RHOBTB2: variants seen among roughly 807,000 people sequenced by gnomAD.
RHOBTB2 encodes the protein rho-related BTB domain-containing protein 2.
A neutral mutation model predicts 66.5 loss-of-function variants in RHOBTB2; 39 were observed. That is an observed-to-expected ratio of 0.59 (90% confidence interval 0.45 to 0.77). RHOBTB2 has a LOEUF of 0.77. RHOBTB2 is among the 30% of genes least tolerant of loss of function. The pLI, the probability that RHOBTB2 is intolerant of heterozygous loss-of-function variation, is 0.00. For synonymous variants in RHOBTB2, 390 were observed against 395.0 expected, an observed-to-expected ratio of 0.99 and a Z score of 0.15; for missense variants, 755 against 999.1, an observed-to-expected ratio of 0.76 and a Z score of 3.29.
the RHOBTB2 span, among the ~76,000 whole-genome samples, chr8:22,980,655 G>A: frequency 2.8e-4 from 42 of 152,206 alleles, no homozygotes; most frequent in South Asian, 5.8e-3. Flanking sequence ...TCATTTAATC[G>A]GGGCAATTTT....
the RHOBTB2 span, among the ~76,000 whole-genome samples, chr8:22,982,027 C>T: frequency 6.6e-6 from 1 of 152,210 alleles, no homozygotes; most frequent in Non-Finnish European, 1.5e-5. Flanking sequence ...ACCAGAGAGG[C>T]TGAGTCCTGG....
the RHOBTB2 span, among the ~76,000 whole-genome samples, chr8:22,953,906 G>A: frequency 0.81 from 122,985 of 152,240 alleles, 49,958 homozygotes; most frequent in African/African-American, 0.87. Context: ...GATGTACAAG[G>A]CTGCCTTTGT....
At position 23,017,268 on chromosome 8, in the gene RHOBTB2, C is replaced by G. The variant is rs766313715; in HGVS notation, c.1983C>G (p.Phe661Leu). 4.3e-6 allele frequency: 7 copies of G among 1,613,984 alleles called. No homozygotes were observed. The African/African-American group carries it at 8.0e-5, about 18-fold the overall frequency. ...KAMSPENQEY[F>L]EKHRWPPVWY... is the part of the protein sequence containing the mutation. The stretch of plus-strand genomic sequence containing the variant: ...CTGCTCCAGAAAACCAGGAGTATTT[C>G]GAGAAGCATCGGTGGCCACCTGTGT... Residue 661 changes from phenylalanine (F) to leucine (L), a missense_variant, in exon 10 of 10, where the codon TTC becomes TTG. By Grantham distance (22) the Phe-to-Leu change is conservative. This residue lies in a region of RHOBTB2 where 353 missense variants were observed against 458.2 expected (regional missense o/e 0.77). Transcript: ENST00000251822. The surrounding 1 kb of genome is among the most constrained non-coding windows in gnomAD (Gnocchi z 5.3).
chr8:22,986,967 ACC>A, upstream of RHOBTB2, among the ~76,000 whole-genome samples: 1 of 152,174 alleles, frequency 6.6e-6, no homozygotes, highest in East Asian at 1.9e-4. Context: ...ACCAGCAACC[ACC>A]CCTACCTTGC....
At chr8:22,999,134 G>C (rs1234619648), upstream of RHOBTB2, 2 of 152,440 alleles carry the variant, frequency 1.3e-5, no homozygotes, top group Non-Finnish European at 2.9e-5. Context: ...CCGGTTATTC[G>C]TCCCTACCCG....
At chr8:22,999,216 T>C (rs1173905242), upstream of RHOBTB2, 3 of 151,236 alleles carry the variant, frequency 2.0e-5, no homozygotes, top group Non-Finnish European at 4.4e-5. Flanking sequence ...GGCCTGGGCT[T>C]ACAACCACAC....
the RHOBTB2 span, among the ~76,000 whole-genome samples, chr8:22,968,101 G>A: frequency 2.6e-5 from 4 of 151,644 alleles, no homozygotes; most frequent in African/African-American, 9.7e-5. Context: ...GTTGCAGTGA[G>A]CTATGATCAA....
At chr8:22,984,256 AC>A (rs1410986761), upstream of RHOBTB2, among the ~76,000 whole-genome samples, 1 of 152,252 alleles carries the variant, frequency 6.6e-6, no homozygotes, top group African/African-American at 2.4e-5. Flanking sequence ...ATCTTCAAAG[AC>A]AATATCACCA....
chr8:22,974,503 C>G, the RHOBTB2 span, among the ~76,000 whole-genome samples: 9 of 152,164 alleles, frequency 5.9e-5, no homozygotes, highest in Admixed American at 3.9e-4. Context: ...CAGCGCAGGC[C>G]AGGCCTCTGC....
the RHOBTB2 span, among the ~76,000 whole-genome samples, chr8:22,951,730 G>A: frequency 5.9e-5 from 9 of 152,166 alleles, no homozygotes; most frequent in Non-Finnish European, 1.0e-4. Flanking sequence ...GAATGTCATC[G>A]GTTAAGGCTA....
intron 9 of RHOBTB2, 57 bp downstream of exon 9, chr8:23,015,800 G>A (rs1811274996): frequency 8.1e-7 from 1 of 1,228,020 alleles, no homozygotes; most frequent in Non-Finnish European, 1.2e-6. Context: ...GGGGTGCACA[G>A]CTCCCATGTA....
upstream of RHOBTB2, chr8:22,994,759 TAAAA>T (rs113801401): frequency 1.4e-6 from 1 of 692,514 alleles, no homozygotes; most frequent in Non-Finnish European, 2.5e-6. Context: ...TAGACCAACA[TAAAA>T]AAAAATACCT....
the RHOBTB2 span, among the ~76,000 whole-genome samples, chr8:22,971,448 G>C: frequency 6.6e-6 from 1 of 151,826 alleles, no homozygotes; most frequent in Non-Finnish European, 1.5e-5. Context: ...ACCTCCCAAA[G>C]TGCTGGGATG....
Position 23,014,772 on chromosome 8 carries a change from G to A in RHOBTB2, c.1854G>A (p.Leu618=). ...IDGDVLVFLE[L]AQFHCAYQLA... ...GGGACGTCCTTGTGTTCCTGGAACTGGCTCAGGTATCATGGCAGGGGAGGG... is the reference window on the plus strand; with the variant it reads ...GGGACGTCCTTGTGTTCCTGGAACTAGCTCAGGTATCATGGCAGGGGAGGG... Residue 618 remains leucine, a synonymous_variant, in exon 8 of 10, where the codon CTG becomes CTA. Transcript: ENST00000251822. 5 of 1,613,716 alleles carry A rather than the reference G, an allele frequency of 3.1e-6. No homozygotes were observed. Among genetic ancestry groups the A allele is most frequent in the Non-Finnish European group, 4.2e-6 (5 of 1,179,632 alleles).
chr8:23,015,547 A>C, intron 8 of RHOBTB2, 91 bp from the exon 9 acceptor site: 4 of 862,378 alleles, frequency 4.6e-6, no homozygotes, highest in Non-Finnish European at 3.7e-6. Context: ...GCCCTGCACC[A>C]GAGCTTCAGC....
upstream of RHOBTB2, among the ~76,000 whole-genome samples, chr8:22,995,248 G>A (rs532858601): frequency 2.3e-3 from 347 of 152,256 alleles, 3 homozygotes; most frequent in Non-Finnish European, 3.1e-3. Flanking sequence ...AAGCATTATA[G>A]TGTTGCTTCC....
intron 5 of RHOBTB2, 26 bp downstream of exon 5, chr8:23,007,772 G>T: frequency 6.2e-7 from 1 of 1,606,196 alleles, no homozygotes; most frequent in South Asian, 1.1e-5. Flanking sequence ...GGAAAGCAAG[G>T]GGGTTCTGCA....
Position 23,006,012 on chromosome 8 carries a change from C to T in RHOBTB2, c.349C>T (p.His117Tyr). ...FSIANPNSLH[H>Y]VKTMWYPEIK... is the part of the protein sequence containing the mutation. ...CATTGCCAACCCCAATTCCCTCCAC[C>T]ATGTCAAGACCATGTGGTACCCAGA... Residue 117 changes from histidine (H) to tyrosine (Y), a missense_variant, in exon 4 of 10, where the codon CAT (histidine) becomes TAT (tyrosine). Coordinates refer to ENST00000251822, the MANE Select transcript of RHOBTB2 (RefSeq NM_015178.3). This position sits in a 1 kb window ranked among gnomAD's most constrained non-coding sequence, Gnocchi z 6.1. 1 of 1,614,116 alleles carries T rather than the reference C, an allele frequency of 6.2e-7. No homozygotes were observed. The highest frequency in any genetic ancestry group is 8.5e-7 in the Non-Finnish European group (1 of 1,180,010).
the RHOBTB2 span, among the ~76,000 whole-genome samples, chr8:22,968,201 T>G: frequency 6.6e-6 from 1 of 152,048 alleles, no homozygotes; most frequent in Admixed American, 6.6e-5. Flanking sequence ...GTTATGAATA[T>G]TTTTCACAAT....
Sources: gnomAD v4.1 joint callset for allele counts (sites outside exome capture counted in the v4.1 genomes callset) on GRCh38, gnomAD v4.1.1 for gene constraint, gnomAD v4.1.1 regional missense constraint, Gnocchi (gnomAD v3.1) non-coding constraint, MANE v1.5 for transcripts, NCBI Gene and HGNC (gene_info 2026-07-23, HGNC 2026-07-21) for gene names.